RBFOX1: variants seen among roughly 807,000 people sequenced by gnomAD.
RBFOX1 encodes the protein RNA binding fox-1 homolog 1.
In RBFOX1, 8 loss-of-function variants were observed where a neutral mutation model predicts 57.7. The observed-to-expected ratio is 0.14, with a 90% CI of 0.08 to 0.25. RBFOX1 has a LOEUF of 0.25. Ranked by LOEUF, RBFOX1 falls within the 10% of genes least tolerant of loss-of-function variation. RBFOX1 has a pLI of 1.00. For missense variants in RBFOX1, 611 were observed against 548.5 expected, an observed-to-expected ratio of 1.11 and a Z score of -1.14; for synonymous variants, 326 against 222.4, an observed-to-expected ratio of 1.47 and a Z score of -4.15.
At chr16:5,605,783 G>A (rs569013610) in intron 3 of RBFOX1, among the ~76,000 whole-genome samples, 1 of 152,112 alleles carries the variant, frequency 6.6e-6, no homozygotes, top group South Asian at 2.1e-4. Flanking sequence ...TGGCACCATT[G>A]ATTAGTAATG....
chr16:5,848,880 C>A (rs1597478571), intron 3 of RBFOX1, among the ~76,000 whole-genome samples: 1 of 151,802 alleles, frequency 6.6e-6, no homozygotes, highest in African/African-American at 2.4e-5. Context: ...ATCTGGGAGG[C>A]AGAGGTTGCA....
chr16:5,364,744 T>A (rs72777517), intron 1 of RBFOX1, among the ~76,000 whole-genome samples: 2 of 152,028 alleles, frequency 1.3e-5, no homozygotes, highest in Admixed American at 6.5e-5. Context: ...TTGAGCTGAT[T>A]CTGTGGCAGA....
chr16:6,899,935 T>C (rs111630104), intron 3 of RBFOX1, among the ~76,000 whole-genome samples: 3 of 152,188 alleles, frequency 2.0e-5, no homozygotes, highest in Admixed American at 6.5e-5. Context: ...ATTTGAACTA[T>C]GTTTAGTCTT....
chr16:7,365,690 C>T (rs2097429462), intron 4 of RBFOX1, among the ~76,000 whole-genome samples: 1 of 152,124 alleles, frequency 6.6e-6, no homozygotes, highest in African/African-American at 2.4e-5. Flanking sequence ...CTTTACTTCC[C>T]ACAGTACAGA....
intron 2 of RBFOX1, among the ~76,000 whole-genome samples, chr16:6,498,675 G>T (rs946474398): frequency 2.0e-5 from 3 of 152,204 alleles, no homozygotes; most frequent in African/African-American, 7.2e-5. Flanking sequence ...GGTTTCTAAA[G>T]AATGTGTGAT....
At chr16:6,651,023 C>A (rs1384940459) in intron 2 of RBFOX1, among the ~76,000 whole-genome samples, 1 of 152,208 alleles carries the variant, frequency 6.6e-6, no homozygotes, top group Non-Finnish European at 1.5e-5. Context: ...TTGTCTCAGC[C>A]TCCTGAGTAG....
At chr16:6,322,039 C>G (rs1375211771) in intron 2 of RBFOX1, among the ~76,000 whole-genome samples, 1 of 152,236 alleles carries the variant, frequency 6.6e-6, no homozygotes, top group South Asian at 2.1e-4. Context: ...TCAGGAACCT[C>G]AGTCCCAAGC....
At chr16:6,837,924 A>C (rs547747707) in intron 3 of RBFOX1, among the ~76,000 whole-genome samples, 1 of 152,104 alleles carries the variant, frequency 6.6e-6, no homozygotes, top group Non-Finnish European at 1.5e-5. Flanking sequence ...CACCATGGCA[A>C]CAGCAGGAAG....
At chr16:7,598,997 C>T (rs1219653988) in intron 9 of RBFOX1, among the ~76,000 whole-genome samples, 1 of 152,158 alleles carries the variant, frequency 6.6e-6, no homozygotes, top group Non-Finnish European at 1.5e-5. Flanking sequence ...GGGCATCATT[C>T]AACAGGGACA....
intron 2 of RBFOX1, among the ~76,000 whole-genome samples, chr16:6,509,672 ATAAG>A (rs2096207042): frequency 6.6e-6 from 1 of 152,226 alleles, no homozygotes; most frequent in Non-Finnish European, 1.5e-5. Flanking sequence ...ACATTTTTAA[ATAAG>A]TAAAAGAGTA....
intron 1 of RBFOX1, among the ~76,000 whole-genome samples, chr16:6,200,458 G>C (rs2097207961): frequency 6.6e-6 from 1 of 152,136 alleles, no homozygotes; most frequent in Non-Finnish European, 1.5e-5. Flanking sequence ...TTGTTAGCAA[G>C]AGTGTATACC....
chr16:7,394,771 C>G (rs1027482726), intron 4 of RBFOX1, among the ~76,000 whole-genome samples: 5 of 152,162 alleles, frequency 3.3e-5, no homozygotes, highest in African/African-American at 9.7e-5. Flanking sequence ...AGGCAAGTCA[C>G]TCTTTTTTCC....
intron 3 of RBFOX1, among the ~76,000 whole-genome samples, chr16:6,974,170 C>A (rs186335622): frequency 9.3e-4 from 142 of 151,958 alleles, no homozygotes; most frequent in African/African-American, 3.3e-3. Context: ...TTTATTAATC[C>A]AGTCTATCAT....
intron 3 of RBFOX1, among the ~76,000 whole-genome samples, chr16:6,663,926 T>G (rs2098716482): frequency 6.6e-6 from 1 of 152,320 alleles, no homozygotes; most frequent in Admixed American, 6.5e-5. Context: ...GTGGGAAAAG[T>G]GGCTAGAGAT....
intron 2 of RBFOX1, among the ~76,000 whole-genome samples, chr16:5,576,855 A>C (rs1323896290): frequency 6.6e-6 from 1 of 152,240 alleles, no homozygotes; most frequent in Non-Finnish European, 1.5e-5. Flanking sequence ...AAATAGAGGG[A>C]AGAGATTTTT....
intron 2 of RBFOX1, among the ~76,000 whole-genome samples, chr16:5,496,996 G>T (rs2043022604): frequency 6.6e-6 from 1 of 152,054 alleles, no homozygotes; most frequent in Non-Finnish European, 1.5e-5. Flanking sequence ...GTGTTAAAAA[G>T]AATTTTTTTT....
intron 4 of RBFOX1, among the ~76,000 whole-genome samples, chr16:5,969,747 T>A (rs930789361): frequency 6.6e-6 from 1 of 152,178 alleles, no homozygotes; most frequent in African/African-American, 2.4e-5. Context: ...TGTCCCTTGC[T>A]GTCTGCGATG....
At chr16:7,477,437 A>G (rs1439334532) in intron 4 of RBFOX1, among the ~76,000 whole-genome samples, 2 of 152,128 alleles carry the variant, frequency 1.3e-5, no homozygotes, top group African/African-American at 4.8e-5. Flanking sequence ...ATCTGGTTTT[A>G]CATCAGCATT....
rs554001283 is a variant in RBFOX1, at chr16:7,657,314, A to T, written c.890+3367A>T. On this transcript the variant is annotated intron_variant, in intron 12 of 15. Coordinates refer to ENST00000550418, the MANE Select transcript of RBFOX1 (RefSeq NM_018723.4). ...ATTCATCCATTTCCTTTTAAAAAAA[A>T]TTTTTTTTGAGACGGAGTCTTACTC... Among the ~76,000 whole-genome samples the T allele has an allele frequency of 1.7e-3, 257 of 152,230 alleles. 2 individuals are homozygous for T. The highest frequency in any genetic ancestry group is 5.1e-3 in the African/African-American group (210 of 41,546).
Sources: allele counts gnomAD v4.1 joint callset (sites outside exome capture counted in the v4.1 genomes callset), GRCh38; gene constraint gnomAD v4.1.1; transcripts MANE v1.5; gene names NCBI Gene and HGNC (gene_info 2026-07-23, HGNC 2026-07-21).